The following ADAMTS6 variants were observed in gnomAD, a reference collection of about 807,000 sequenced individuals.
The protein encoded by ADAMTS6 is A disintegrin and metalloproteinase with thrombospondin motifs 6.
ADAMTS6 carries 23 observed loss-of-function variants against 144.3 expected under a neutral mutation model. The ratio of observed to expected loss-of-function variants is 0.16; its 90% confidence interval spans 0.11 to 0.23. The LOEUF (loss-of-function observed/expected upper bound fraction) is 0.23, where lower values mean the gene tolerates loss of function less well. Ranked by LOEUF, ADAMTS6 falls within the 10% of genes least tolerant of loss-of-function variation. ADAMTS6 has a pLI of 1.00. For synonymous variants in ADAMTS6, 444 were observed against 457.5 expected (o/e 0.97, Z 0.38); for missense variants, 999 against 1,379.6 (o/e 0.72, Z 4.37).
rs558860277 is a variant in ADAMTS6, at chr5:65,220,590, C to A, written c.2272+3730G>T. Among the ~76,000 whole-genome samples the A allele has an allele frequency of 9.9e-5, 15 of 151,888 alleles. 1 individual carries two copies. The highest frequency in any genetic ancestry group is 2.9e-4 in the African/African-American group (12 of 41,440). On this transcript the variant is annotated intron_variant, in intron 18 of 24. Transcript: ENST00000381055. ...TGAAACCCCGTTTCTACTAAAATTA[C>A]AAAAAAATTAGCCGGGCGTCAACGT...
intron 7 of ADAMTS6, among the ~76,000 whole-genome samples, chr5:65,400,138 C>T (rs1273023641): frequency 2.0e-5 from 3 of 152,090 alleles, no homozygotes; most frequent in Admixed American, 6.6e-5. Flanking sequence ...CTTTGTTCCT[C>T]TATAGGTAAG....
intron 20 of ADAMTS6, among the ~76,000 whole-genome samples, chr5:65,205,924 A>G (rs1295444402): frequency 1.3e-5 from 2 of 152,222 alleles, no homozygotes; most frequent in Non-Finnish European, 2.9e-5. Context: ...AGAAATTTAC[A>G]TATTATTCAA....
chr5:65,397,755 T>C (rs1003633171), intron 7 of ADAMTS6, among the ~76,000 whole-genome samples: 21 of 151,690 alleles, frequency 1.4e-4, no homozygotes, highest in Non-Finnish European at 1.9e-4. Context: ...CACATGCTTG[T>C]AGTCCCAGCT....
At chr5:65,421,002 G>C (rs1296614706) in intron 7 of ADAMTS6, among the ~76,000 whole-genome samples, 1 of 152,110 alleles carries the variant, frequency 6.6e-6, no homozygotes, top group Non-Finnish European at 1.5e-5. Context: ...TGTTTGCTTT[G>C]TGATTTTTAA....
chr5:65,315,873 A>C (rs1744940367), intron 9 of ADAMTS6, among the ~76,000 whole-genome samples: 1 of 152,198 alleles, frequency 6.6e-6, no homozygotes, highest in Non-Finnish European at 1.5e-5. Context: ...ATAGAACTGC[A>C]AAGAGAAATA....
intron 7 of ADAMTS6, among the ~76,000 whole-genome samples, chr5:65,404,656 T>C (rs954224553): frequency 6.6e-5 from 10 of 152,234 alleles, no homozygotes; most frequent in African/African-American, 1.7e-4. Context: ...TTTGGGTATA[T>C]ACCCAGTAAT....
intron 4 of ADAMTS6, among the ~76,000 whole-genome samples, chr5:65,457,881 G>A (rs1210023944): frequency 2.0e-5 from 3 of 150,190 alleles, no homozygotes; most frequent in Middle Eastern, 3.2e-3. Context: ...CGCGTGCCAC[G>A]ACGCCTGGCT....
At chr5:65,238,599 C>CAA (rs201993510) in intron 15 of ADAMTS6, among the ~76,000 whole-genome samples, 3 of 117,444 alleles carry the variant, frequency 2.6e-5, no homozygotes, top group African/African-American at 6.5e-5. Context: ...GACCCTGTCT[C>CAA]AAAAAAAAAA....
At chr5:65,377,914 G>C (rs1751702570) in intron 7 of ADAMTS6, among the ~76,000 whole-genome samples, 1 of 152,084 alleles carries the variant, frequency 6.6e-6, no homozygotes, top group African/African-American at 2.4e-5. Context: ...TCTGGCTACT[G>C]TTTTTTGCTG....
chr5:65,318,074 CAAA>C (rs78876970), intron 9 of ADAMTS6, among the ~76,000 whole-genome samples: 1 of 63,012 alleles, frequency 1.6e-5, no homozygotes. Context: ...GACTCCATCT[CAAA>C]AAAAAAAAAA....
intron 7 of ADAMTS6, among the ~76,000 whole-genome samples, chr5:65,380,155 A>G (rs564720903): frequency 6.6e-6 from 1 of 152,280 alleles, no homozygotes; most frequent in African/African-American, 2.4e-5. Context: ...TCACCAGCAT[A>G]CCACTGAGAA....
At chr5:65,390,369 A>C (rs1752812548) in intron 7 of ADAMTS6, among the ~76,000 whole-genome samples, 1 of 152,210 alleles carries the variant, frequency 6.6e-6, no homozygotes, top group Admixed American at 6.5e-5. Context: ...TTGATAGAGT[A>C]GGCTGACAGA....
At chr5:65,313,929 C>T (rs1231383898) in intron 9 of ADAMTS6, among the ~76,000 whole-genome samples, 1 of 151,958 alleles carries the variant, frequency 6.6e-6, no homozygotes, top group Non-Finnish European at 1.5e-5. Flanking sequence ...GACTGTTTAC[C>T]TCAGTTCCCA....
chr5:65,329,477 G>A lies in ADAMTS6; in HGVS notation c.1124C>T (p.Ala375Val). ...AGGCTCACACATTCCAGCCACAGAGGCCAAGCCTGAATAAACAGAAAGAGA... is the reference window on the plus strand; with the variant it reads ...AGGCTCACACATTCCAGCCACAGAGACCAAGCCTGAATAAACAGAAAGAGA... ...KNKPCGTLGLASVAGMCEPER... is the reference protein window; with the variant it reads ...KNKPCGTLGLVSVAGMCEPER... Residue 375 changes from alanine (A) to valine (V), a missense_variant, in exon 9 of 25, where the codon GCC becomes GTC. Physicochemically the swap from Ala to Val is moderately conservative, Grantham distance 64. Coordinates refer to ENST00000381055, the MANE Select transcript of ADAMTS6 (RefSeq NM_197941.4). The A allele has an allele frequency of 6.2e-7, 1 of 1,610,182 alleles. No homozygotes were observed. Among genetic ancestry groups the A allele is most frequent in the Admixed American group, 1.7e-5 (1 of 59,104 alleles).
chr5:65,210,081 T>C, intron 20 of ADAMTS6: 1 of 221,106 alleles, frequency 4.5e-6, no homozygotes, highest in Non-Finnish European at 9.6e-6. Flanking sequence ...AAGATTGGCC[T>C]GACAAATGAT....
At chr5:65,298,547 C>T (rs1037309162) in intron 10 of ADAMTS6, among the ~76,000 whole-genome samples, 5 of 152,090 alleles carry the variant, frequency 3.3e-5, no homozygotes, top group African/African-American at 1.2e-4. Context: ...AATGATATTG[C>T]TAGTGCTTTG....
chr5:65,444,156 C>A (rs1758086472), intron 7 of ADAMTS6, among the ~76,000 whole-genome samples: 1 of 152,134 alleles, frequency 6.6e-6, no homozygotes, highest in Non-Finnish European at 1.5e-5. Context: ...CTTTGGGAGG[C>A]CGAGGCAGGC....
chr5:65,320,411 T>C (rs1424861144), intron 9 of ADAMTS6, among the ~76,000 whole-genome samples: 4 of 152,142 alleles, frequency 2.6e-5, no homozygotes, highest in African/African-American at 9.7e-5. Context: ...ATAAAGAAAT[T>C]AAATTTTTAA....
intron 9 of ADAMTS6, among the ~76,000 whole-genome samples, 156 bp downstream of exon 9, chr5:65,329,222 G>T (rs1375899885): frequency 6.6e-6 from 1 of 151,988 alleles, no homozygotes; most frequent in Non-Finnish European, 1.5e-5. Context: ...AGTTCTTCAG[G>T]TGATTTATCC....
Sources: gnomAD v4.1 joint callset for allele counts (sites outside exome capture counted in the v4.1 genomes callset) on GRCh38, gnomAD v4.1.1 for gene constraint, MANE v1.5 for transcripts, NCBI Gene and HGNC (gene_info 2026-07-23, HGNC 2026-07-21) for gene names.